LAMP1: variants seen among roughly 807,000 people sequenced by gnomAD.
LAMP1 encodes the protein lysosome associated membrane protein 1, also known as lysosome-associated membrane glycoprotein 1.
A neutral mutation model predicts 37.5 loss-of-function variants in LAMP1; 7 were observed. The observed-to-expected ratio is 0.19, with a 90% CI of 0.11 to 0.35. The LOEUF (loss-of-function observed/expected upper bound fraction) is 0.35. Among genes scored for constraint, LAMP1 ranks in the 10% least tolerant of loss-of-function variants. LAMP1 has a pLI of 1.00. For missense variants in LAMP1, 537 were observed against 552.8 expected (o/e 0.97, Z 0.29); for synonymous variants, 236 against 229.1 (o/e 1.03, Z -0.27).
intron 1 of LAMP1, among the ~76,000 whole-genome samples, chr13:113,301,843 A>G (rs991815621): frequency 2.1e-5 from 3 of 144,478 alleles, no homozygotes; most frequent in South Asian, 4.3e-4. Context: ...GCCAAGAAAA[A>G]CTAAGATGTG....
In LAMP1 at chr13:113,309,881, C is replaced by T. The variant is rs754543420; in HGVS notation, c.403+19C>T. ...TCCAAAGGTAAGAACCAAAATGGGC[C>T]GATTATGAAGTGATAGAAAATTGGG... is the stretch of plus-strand genomic sequence containing the variant. On this transcript the variant is annotated intron_variant, in intron 3 of 8. Transcript: ENST00000332556. 1.4e-5 allele frequency: 22 copies of T among 1,586,570 alleles called. 1 individual carries two copies. The highest frequency in any genetic ancestry group is 2.7e-5 in the African/African-American group (2 of 74,258).
chr13:113,309,514 G>C (rs368902218), intron 2 of LAMP1, 129 bp from the exon 3 acceptor site: 4 of 650,566 alleles, frequency 6.1e-6, no homozygotes, highest in Non-Finnish European at 7.7e-6. Flanking sequence ...TTAAAAATGA[G>C]TACCTCAGTA....
At chr13:113,301,581 C>T (rs2042571271) in intron 1 of LAMP1, among the ~76,000 whole-genome samples, 1 of 147,344 alleles carries the variant, frequency 6.8e-6, no homozygotes, top group African/African-American at 2.5e-5. Context: ...GAAGATCATG[C>T]TACTGGACTC....
intron 4 of LAMP1, among the ~76,000 whole-genome samples, chr13:113,316,961 G>T (rs182343126): frequency 1.4e-4 from 21 of 152,196 alleles, no homozygotes; most frequent in African/African-American, 5.1e-4. Flanking sequence ...AAGGTCAGAG[G>T]CCTGACACAC....
At position 113,309,820 on chromosome 13, in the gene LAMP1, A is replaced by G. The variant is rs1483329400; in HGVS notation, c.361A>G (p.Asn121Asp). 6.2e-7 allele frequency: 1 copy of G among 1,613,628 alleles called. No individual in the cohort carries two copies. Among genetic ancestry groups the G allele is most frequent in the Non-Finnish European group, 8.5e-7 (1 of 1,180,042 alleles). The change falls in exon 3 of 9, where the codon AAC (asparagine) becomes GAC (aspartate). Residue 121 changes from asparagine to aspartate, a missense_variant. Physicochemically the swap from Asn to Asp is conservative, Grantham distance 23 (BLOSUM62 1). Coordinates refer to ENST00000332556, the MANE Select transcript of LAMP1 (RefSeq NM_005561.4). ...CGTCCAGCTCATGAGTTTTGTTTAT[A>G]ACTTGTCAGACACACACCTTTTCCC... is the stretch of plus-strand genomic sequence containing the variant. ...YSVQLMSFVYNLSDTHLFPNA... is the reference protein window; with the variant it reads ...YSVQLMSFVYDLSDTHLFPNA...
chr13:113,306,346 T>A, intron 1 of LAMP1, 139 bp from the exon 2 acceptor site: 1 of 875,538 alleles, frequency 1.1e-6, no homozygotes, highest in Non-Finnish European at 1.6e-6. Flanking sequence ...ACAGTGAGAC[T>A]CCGTCTCAAA....
rs1315919157 is a variant in LAMP1, at chr13:113,302,479, GGGCTGTGCCC to G, written c.62-4002_62-3993del. ...TGCTGGGATTACAGGCTGGGATTACGGGCTGTGCCCGGCCTAATTTTTTAAAATGAAGTTT... is the reference window on the plus strand; with the variant it reads ...TGCTGGGATTACAGGCTGGGATTACGGGCCTAATTTTTTAAAATGAAGTTT... On this transcript the variant is annotated intron_variant, in intron 1 of 8. Coordinates refer to ENST00000332556, the MANE Select transcript of LAMP1 (RefSeq NM_005561.4). Among the ~76,000 whole-genome samples the G allele has an allele frequency of 9.9e-5, 15 of 152,250 alleles. No individual in the cohort carries two copies. The East Asian group carries it at 2.9e-3, about 29-fold the overall frequency.
At chr13:113,306,029 C>T (rs1042707050) in intron 1 of LAMP1, 10 of 154,626 alleles carry the variant, frequency 6.5e-5, no homozygotes, top group Admixed American at 1.9e-4. Flanking sequence ...GAACTGGCTG[C>T]GTAATCCATG....
Position 113,316,177 on chromosome 13 carries a change from G to C in LAMP1, c.563-3292G>C, listed in dbSNP as rs143176710. Among the ~76,000 whole-genome samples, 9 of 152,306 alleles carry C rather than the reference G, an allele frequency of 5.9e-5. 1 individual carries two copies. The South Asian group carries it at 1.9e-3, about 32-fold the overall frequency. On this transcript the variant is annotated intron_variant, in intron 4 of 8. Coordinates refer to ENST00000332556, the MANE Select transcript of LAMP1 (RefSeq NM_005561.4). ...GAGTGCAGCTCTGCCTGAGGCTGGA[G>C]TCAGCCAGATATCCATCCAAACCGG... is the stretch of plus-strand genomic sequence containing the variant.
chr13:113,313,671 C>T (rs1418671357), intron 4 of LAMP1, among the ~76,000 whole-genome samples: 4 of 122,504 alleles, frequency 3.3e-5, no homozygotes, highest in East Asian at 2.5e-4. Flanking sequence ...TGGAGATGCC[C>T]GTGTGCCTGG....
chr13:113,304,378 C>A lies in LAMP1; in HGVS notation c.62-2107C>A, dbSNP rs148087917. ...TCTGGCGTCTGCTGTGTCTGCCTGT[C>A]CGCTGCTTCTGCCTTGCTGGCGTCT... On this transcript the variant is annotated intron_variant, in intron 1 of 8. Transcript: ENST00000332556. 5.8e-4 allele frequency among the ~76,000 whole-genome samples: 88 copies of A among 152,324 alleles called. No individual in the cohort carries two copies. In the East Asian group the frequency reaches 0.01, roughly 17 times the overall value.
chr13:113,304,117 A>C (rs1027354222), intron 1 of LAMP1, among the ~76,000 whole-genome samples: 2 of 152,246 alleles, frequency 1.3e-5, no homozygotes, highest in Admixed American at 1.3e-4. Context: ...AAGTGAAAAA[A>C]AAATTGTATA....
intron 4 of LAMP1, among the ~76,000 whole-genome samples, chr13:113,314,367 G>A (rs1436250689): frequency 5.0e-5 from 6 of 120,376 alleles, no homozygotes; most frequent in African/African-American, 1.6e-4. Flanking sequence ...GGGGCCTCCT[G>A]GAGGGAACCA....
chr13:113,317,028 T>C (rs2042669245), intron 4 of LAMP1, among the ~76,000 whole-genome samples: 1 of 152,150 alleles, frequency 6.6e-6, no homozygotes, highest in Admixed American at 6.6e-5. Flanking sequence ...GTCGGGAACC[T>C]GGGTGCAAAC....
chr13:113,308,567 T>C (rs1221607976), intron 2 of LAMP1, among the ~76,000 whole-genome samples: 1 of 151,874 alleles, frequency 6.6e-6, no homozygotes, highest in Non-Finnish European at 1.5e-5. Flanking sequence ...TCAGGTGATC[T>C]TCCCACGTCG....
chr13:113,311,184 A>C (rs1490064548), intron 4 of LAMP1, among the ~76,000 whole-genome samples: 1 of 152,038 alleles, frequency 6.6e-6, no homozygotes, highest in Non-Finnish European at 1.5e-5. Flanking sequence ...GAGAGAGGTG[A>C]TCACCAGGGG....
intron 2 of LAMP1, among the ~76,000 whole-genome samples, 167 bp from the exon 3 acceptor site, chr13:113,309,476 T>C (rs1028034638): frequency 6.6e-6 from 1 of 152,232 alleles, no homozygotes; most frequent in African/African-American, 2.4e-5. Context: ...TTTACTGACA[T>C]GTAATACTAA....
intron 1 of LAMP1, among the ~76,000 whole-genome samples, chr13:113,301,093 T>G (rs1355370734): frequency 1.3e-5 from 2 of 152,200 alleles, no homozygotes; most frequent in African/African-American, 2.4e-5. Context: ...CTTCCTTAAC[T>G]GACAGGTAGT....
chr13:113,322,480 G>T lies in LAMP1; in HGVS notation c.*59G>T. 5.9e-6 allele frequency: 9 copies of T among 1,520,480 alleles called. No individual in the cohort carries two copies. The highest frequency in any genetic ancestry group is 8.0e-6 in the Non-Finnish European group (9 of 1,127,078). The allele number at this position is 1,520,480 out of a possible 1,614,324, so 94.2% of individuals were successfully genotyped here. On this transcript the variant is annotated 3_prime_UTR_variant, in exon 9 of 9. Coordinates refer to ENST00000332556, the MANE Select transcript of LAMP1 (RefSeq NM_005561.4). ...CTCTGTTCCTTTCTCTGGGCTTAGG[G>T]TCCTGTCGAAGGGGAGGCACACTTT...
Sources: gnomAD v4.1 joint callset for allele counts (sites outside exome capture counted in the v4.1 genomes callset) on GRCh38, gnomAD v4.1.1 for gene constraint, MANE v1.5 for transcripts, NCBI Gene and HGNC (gene_info 2026-07-23, HGNC 2026-07-21) for gene names.